The following EHBP1 variants were observed in gnomAD, a reference collection of about 807,000 sequenced individuals.
The protein encoded by EHBP1 is EH domain-binding protein 1.
In EHBP1, 55 loss-of-function variants were observed where a neutral mutation model predicts 144.0. The ratio of observed to expected loss-of-function variants is 0.38; its 90% confidence interval spans 0.31 to 0.48. EHBP1 has a LOEUF of 0.48. Among genes scored for constraint, EHBP1 ranks in the 20% least tolerant of loss-of-function variants. The pLI is 0.98. For missense variants in EHBP1, 1,200 were observed against 1,364.2 expected, an observed-to-expected ratio of 0.88 and a Z score of 1.90; for synonymous variants, 469 against 472.7, an observed-to-expected ratio of 0.99 and a Z score of 0.10.
intron 19 of EHBP1, among the ~76,000 whole-genome samples, chr2:63,036,409 G>C (rs2061442971): frequency 6.6e-6 from 1 of 151,962 alleles, no homozygotes; most frequent in Non-Finnish European, 1.5e-5. Context: ...ATACTTACCT[G>C]TGGAGAAGGG....
chr2:62,755,287 A>G (rs555417038), intron 3 of EHBP1, among the ~76,000 whole-genome samples: 5 of 152,324 alleles, frequency 3.3e-5, no homozygotes, highest in African/African-American at 7.2e-5. Context: ...TTCGCTTGAC[A>G]TAACGTTTTT....
chr2:62,817,265 A>G (rs1417927172), intron 5 of EHBP1, among the ~76,000 whole-genome samples: 1 of 152,170 alleles, frequency 6.6e-6, no homozygotes, highest in Admixed American at 6.5e-5. Context: ...TTGAAATTTT[A>G]GGTAAGGTGG....
intron 5 of EHBP1, among the ~76,000 whole-genome samples, chr2:62,800,280 G>A (rs974756520): frequency 2.0e-5 from 3 of 152,132 alleles, no homozygotes; most frequent in African/African-American, 7.2e-5. Flanking sequence ...ATGATATAGT[G>A]TCTCTGGCAG....
At chr2:62,883,193 T>C (rs1241170999) in intron 10 of EHBP1, among the ~76,000 whole-genome samples, 1 of 152,242 alleles carries the variant, frequency 6.6e-6, no homozygotes, top group Non-Finnish European at 1.5e-5. Flanking sequence ...CTTTTCTCAC[T>C]GTGTCATGCT....
In EHBP1 at chr2:62,864,863, T is replaced by C. The variant is rs2049918683; in HGVS notation, c.890T>C (p.Ile297Thr). Residue 297 changes from isoleucine to threonine, a missense_variant, in exon 9 of 23, where the codon ATA becomes ACA. Around this residue, in one of 6 missense-constraint regions of EHBP1, gnomAD observed 266 missense variants for 262.4 expected, o/e 1.01. Transcript: ENST00000431489. ...GATGAGCCAGAAGCATTTGTGACCA[T>C]AAAGGATTCTCCTCCCCAGTCTACA... ...PFDEPEAFVT[I>T]KDSPPQSTKR... The C allele has an allele frequency of 6.2e-7, 1 of 1,614,060 alleles. No individual in the cohort carries two copies. Among genetic ancestry groups the C allele is most frequent in the East Asian group, 2.2e-5 (1 of 44,856 alleles).
Position 62,853,777 on chromosome 2 carries a change from C to T in EHBP1, c.635-5392C>T, listed in dbSNP as rs1283179219. 2.6e-5 allele frequency among the ~76,000 whole-genome samples: 4 copies of T among 152,340 alleles called. No homozygotes were observed. The East Asian group carries it at 5.8e-4, about 22-fold the overall frequency. ...TGTGCTGCAGAAACAACACTAATCA[C>T]CTGTACATCTCCATCACAGCTCTTG... On this transcript the variant is annotated intron_variant, in intron 7 of 22. Transcript: ENST00000431489.
At chr2:62,925,905 CAG>C (rs566795034) in intron 10 of EHBP1, among the ~76,000 whole-genome samples, 75 of 152,048 alleles carry the variant, frequency 4.9e-4, no homozygotes, top group African/African-American at 1.7e-3. Flanking sequence ...AAATAAAAAA[CAG>C]AATTTATATG....
At position 62,988,007 on chromosome 2, in the gene EHBP1, T is replaced by C. The variant is rs764777165; in HGVS notation, c.2609-2709T>C. ...TTGTTGTAGGAGGTGGAGATGAACTTACTAACTTAGAAAATGACCTTGATA... is the reference window on the plus strand; with the variant it reads ...TTGTTGTAGGAGGTGGAGATGAACTCACTAACTTAGAAAATGACCTTGATA... On this transcript the variant is annotated intron_variant, in intron 15 of 22. Transcript: ENST00000431489. The C allele has an allele frequency of 3.1e-6, 5 of 1,607,522 alleles. No individual in the cohort carries two copies. The Admixed American group carries it at 6.7e-5, about 22-fold the overall frequency.
At chr2:62,729,382 TATC>T (rs1163140498) in intron 2 of EHBP1, among the ~76,000 whole-genome samples, 37 of 119,998 alleles carry the variant, frequency 3.1e-4, no homozygotes, top group African/African-American at 5.1e-4. Context: ...TAATAATAAA[TATC>T]ATATTTATTA....
At position 62,990,703 on chromosome 2, in the gene EHBP1, G is replaced by A. The variant is rs1288168540; in HGVS notation, c.2609-13G>A. 1.9e-6 allele frequency: 3 copies of A among 1,612,618 alleles called. No homozygotes were observed. The highest frequency in any genetic ancestry group is 8.5e-7 in the Non-Finnish European group (1 of 1,179,230). On this transcript the variant is annotated splice_polypyrimidine_tract_variant and intron_variant, in intron 15 of 22. Transcript: ENST00000431489. ...TCTCACTCAGTTATTCATGGTATTT[G>A]CATATTTAACAGAACAAAACAGTAA...
At position 63,007,906 on chromosome 2, in the gene EHBP1, C is replaced by T. The variant is rs1433025926; in HGVS notation, c.3103+11140C>T. ...CTAACATTCTTAATTAGAATAATCT[C>T]CAAAGCCAGTTAAATGTTTTAGAAG... On this transcript the variant is annotated intron_variant, in intron 19 of 22. Transcript: ENST00000431489. Among the ~76,000 whole-genome samples the T allele has an allele frequency of 2.4e-4, 36 of 151,686 alleles. 1 individual carries two copies. The highest frequency in any genetic ancestry group is 2.3e-3 in the Admixed American group (35 of 15,170).
intron 19 of EHBP1, among the ~76,000 whole-genome samples, chr2:62,998,702 AT>A (rs2059737092): frequency 6.6e-6 from 1 of 152,158 alleles, no homozygotes; most frequent in Admixed American, 6.6e-5. Context: ...ATGCTTTATA[AT>A]CTGAAAGACA....
At position 62,949,112 on chromosome 2, in the gene EHBP1, G is replaced by T; in HGVS notation, c.2266G>T (p.Ala756Ser). ...GAGGCAGACGGAGTCTGATCCAGAT[G>T]CTGATAGAACCACTTTAAATCATGC... ...SLRQTESDPD[A>S]DRTTLNHADH... Residue 756 changes from alanine (A) to serine (S), a missense_variant, in exon 13 of 23, where the codon GCT becomes TCT. Ala to Ser is a moderately conservative substitution (Grantham distance 99). Around this residue, in one of 6 missense-constraint regions of EHBP1, gnomAD observed 543 missense variants for 513.1 expected, o/e 1.06. Coordinates refer to ENST00000431489, the MANE Select transcript of EHBP1 (RefSeq NM_001142616.3). The T allele has an allele frequency of 6.3e-7, 1 of 1,588,732 alleles. No homozygotes were observed. Among genetic ancestry groups the T allele is most frequent in the Non-Finnish European group, 8.5e-7 (1 of 1,173,130 alleles).
rs140034478 is a variant in EHBP1, at chr2:62,712,025, T to A, written c.104+4730T>A. On this transcript the variant is annotated intron_variant, in intron 2 of 22. Transcript: ENST00000431489. ...GAGAGAGACAAGGGTTCAAGGTACA[T>A]TTTTTGCTTGGCAGATATTGCAACA... Among the ~76,000 whole-genome samples the A allele has an allele frequency of 4.2e-4, 64 of 152,236 alleles. 1 individual carries two copies. Among genetic ancestry groups the A allele is most frequent in the African/African-American group, 1.3e-3 (56 of 41,542 alleles).
intron 19 of EHBP1, among the ~76,000 whole-genome samples, chr2:63,036,034 A>G (rs2061428992): frequency 6.6e-6 from 1 of 152,080 alleles, no homozygotes; most frequent in Non-Finnish European, 1.5e-5. Context: ...ATGAAGGCAT[A>G]TATTCTCAAC....
chr2:62,783,078 C>T (rs1224280159), intron 5 of EHBP1, among the ~76,000 whole-genome samples: 1 of 152,190 alleles, frequency 6.6e-6, no homozygotes, highest in African/African-American at 2.4e-5. Flanking sequence ...AGGCCATATG[C>T]AAGTCCAAAA....
intron 12 of EHBP1, among the ~76,000 whole-genome samples, chr2:62,945,843 A>G (rs2057031054): frequency 6.6e-6 from 1 of 152,194 alleles, no homozygotes; most frequent in South Asian, 2.1e-4. Flanking sequence ...CTCTATTGAA[A>G]TATGCCACCA....
At chr2:62,732,335 CTCTTTTTCTTTT>C (rs766617167) in intron 2 of EHBP1, among the ~76,000 whole-genome samples, 1 of 152,110 alleles carries the variant, frequency 6.6e-6, no homozygotes, top group Non-Finnish European at 1.5e-5. Flanking sequence ...CTATGCCTTT[CTCTTTTTCTTTT>C]TCTTTTGGTA....
At chr2:62,958,947 G>A (rs1406146781) in intron 14 of EHBP1, among the ~76,000 whole-genome samples, 1 of 152,116 alleles carries the variant, frequency 6.6e-6, no homozygotes, top group Admixed American at 6.5e-5. Flanking sequence ...AAATTTGAGT[G>A]GATACAATGT....
Sources: gnomAD v4.1 joint callset for allele counts (sites outside exome capture counted in the v4.1 genomes callset) on GRCh38, gnomAD v4.1.1 for gene constraint, gnomAD v4.1.1 regional missense constraint, MANE v1.5 for transcripts, NCBI Gene and HGNC (gene_info 2026-07-23, HGNC 2026-07-21) for gene names.